The following SORBS2 variants were observed in gnomAD, a reference collection of about 807,000 sequenced individuals.
The protein encoded by SORBS2 is sorbin and SH3 domain-containing protein 2.
A neutral mutation model predicts 97.7 loss-of-function variants in SORBS2; 46 were observed. The observed-to-expected ratio is 0.47, with a 90% confidence interval of 0.37 to 0.60. The LOEUF is 0.60. Ranked by LOEUF, SORBS2 falls within the 20% of genes least tolerant of loss-of-function variation. The pLI is 0.00. For synonymous variants in SORBS2, 476 were observed against 473.4 expected (o/e 1.01, Z -0.07); for missense variants, 1,316 against 1,282.3 (o/e 1.03, Z -0.40).
intron 1 of SORBS2, among the ~76,000 whole-genome samples, chr4:185,884,457 A>T (rs547480896): frequency 2.6e-4 from 40 of 152,310 alleles, no homozygotes; most frequent in African/African-American, 9.4e-4. Context: ...GCTGTTTTTT[A>T]AAATAAAAAA....
At chr4:185,675,484 T>C (rs1235215512) in intron 4 of SORBS2, 1 of 152,168 alleles carries the variant, frequency 6.6e-6, no homozygotes, top group Non-Finnish European at 1.5e-5. Context: ...CAACGAGAAG[T>C]AGCACTCTTT....
At chr4:185,592,201 ACT>A (rs1295841629) in intron 13 of SORBS2, 1 of 152,574 alleles carries the variant, frequency 6.6e-6, no homozygotes, top group Non-Finnish European at 1.5e-5. Context: ...TTTCACTAAA[ACT>A]CTGAATTGTA....
chr4:185,635,246 T>C, intron 4 of SORBS2, 109 bp downstream of exon 16: 1 of 763,794 alleles, frequency 1.3e-6, no homozygotes, highest in Non-Finnish European at 2.2e-6. Flanking sequence ...TAGATATTTT[T>C]TCAAAAATAG....
chr4:185,919,860 T>C (rs111506614), intron 1 of SORBS2, among the ~76,000 whole-genome samples: 5,784 of 152,366 alleles, frequency 0.038, 282 homozygotes, highest in South Asian at 0.11. Flanking sequence ...CAGCCTGAAG[T>C]GGCATATATT....
intron 1 of SORBS2, among the ~76,000 whole-genome samples, chr4:185,840,176 C>T (rs2099210619): frequency 6.6e-6 from 1 of 152,118 alleles, no homozygotes; most frequent in African/African-American, 2.4e-5. Flanking sequence ...TGTGGATGAA[C>T]AGGGGTTGTT....
intron 1 of SORBS2, among the ~76,000 whole-genome samples, chr4:185,654,995 A>C (rs929307176): frequency 1.3e-5 from 2 of 152,216 alleles, no homozygotes; most frequent in Non-Finnish European, 2.9e-5. Flanking sequence ...GAAAATACTC[A>C]AACAAGTGTT....
chr4:185,884,557 G>A (rs537712258), intron 1 of SORBS2, among the ~76,000 whole-genome samples: 1 of 152,368 alleles, frequency 6.6e-6, no homozygotes, highest in East Asian at 1.9e-4. Context: ...ATGGCAATGA[G>A]GGCCCAGCAG....
rs1288748201 is a variant in SORBS2, at chr4:185,868,147, C to CTTTCTTTCTTTTTTTTTTTTTTTTTTT, written c.-338+88048_-338+88049insAAAAAAAAAAAAAAAAAAAGAAAGAAA. On this transcript the variant is annotated intron_variant, in intron 1 of 20. Transcript: ENST00000284776. ...TCTACTTTCCTTTCTCTTTTCTTTTCTTTTTTTCTTTCTTTTTTTTTTTTT... is the reference window on the plus strand; with the variant it reads ...TCTACTTTCCTTTCTCTTTTCTTTTCTTTCTTTCTTTTTTTTTTTTTTTTTTTTTTTTTTCTTTCTTTTTTTTTTTTT... Among the ~76,000 whole-genome samples the CTTTCTTTCTTTTTTTTTTTTTTTTTTT allele has an allele frequency of 2.8e-4, 25 of 89,796 alleles. 5 individuals are homozygous for CTTTCTTTCTTTTTTTTTTTTTTTTTTT. The highest frequency in any genetic ancestry group is 1.0e-3 in the African/African-American group (22 of 21,012). 58.9% of individuals were successfully genotyped at this position (89,796 alleles called of 152,430 possible).
At chr4:185,734,408 G>A (rs1177929712) in intron 2 of SORBS2, among the ~76,000 whole-genome samples, 1 of 152,164 alleles carries the variant, frequency 6.6e-6, no homozygotes, top group Non-Finnish European at 1.5e-5. Context: ...GGGAAATTGG[G>A]GCTGTTTTAC....
At chr4:185,608,099 G>A (rs2096464841) in intron 12 of SORBS2, among the ~76,000 whole-genome samples, 1 of 152,178 alleles carries the variant, frequency 6.6e-6, no homozygotes, top group African/African-American at 2.4e-5. Flanking sequence ...TGTTAATGTA[G>A]AATGAAAACT....
At chr4:185,754,687 A>G (rs1382641233) in intron 2 of SORBS2, among the ~76,000 whole-genome samples, 1 of 152,184 alleles carries the variant, frequency 6.6e-6, no homozygotes, top group African/African-American at 2.4e-5. Context: ...AGTGCAGCTC[A>G]GTGGAGTGTG....
intron 1 of SORBS2, among the ~76,000 whole-genome samples, chr4:185,886,343 C>G (rs2099239456): frequency 6.6e-6 from 1 of 152,028 alleles, no homozygotes; most frequent in South Asian, 2.1e-4. Flanking sequence ...ATTACAAGGT[C>G]AGGAGATTGA....
intron 6 of SORBS2, among the ~76,000 whole-genome samples, chr4:185,624,848 G>A (rs1342252038): frequency 6.6e-6 from 1 of 152,206 alleles, no homozygotes; most frequent in Non-Finnish European, 1.5e-5. Flanking sequence ...TCAGCTGATA[G>A]CATGATCTGG....
intron 1 of SORBS2, among the ~76,000 whole-genome samples, chr4:185,867,719 A>G (rs2099227757): frequency 6.6e-6 from 1 of 152,144 alleles, no homozygotes; most frequent in Non-Finnish European, 1.5e-5. Context: ...CTAGGATTGA[A>G]GGGAGGTCCC....
At chr4:185,918,013 G>T (rs1487104806) in intron 1 of SORBS2, 1 of 152,122 alleles carries the variant, frequency 6.6e-6, no homozygotes, top group East Asian at 1.9e-4. Flanking sequence ...GGAAATAAAG[G>T]AGAAATGTGA....
chr4:185,637,756 TGTAA>T (rs2097044963), intron 4 of SORBS2, among the ~76,000 whole-genome samples: 1 of 152,058 alleles, frequency 6.6e-6, no homozygotes, highest in Non-Finnish European at 1.5e-5. Flanking sequence ...CCAAATAGAC[TGTAA>T]ACAAATACAA....
intron 4 of SORBS2, chr4:185,635,369 C>T (rs766518545): frequency 1.9e-6 from 3 of 1,613,254 alleles, no homozygotes. Flanking sequence ...TTGAAAACAC[C>T]AGAAGAATGA....
intron 4 of SORBS2, among the ~76,000 whole-genome samples, chr4:185,664,251 A>C (rs2097565612): frequency 6.6e-6 from 1 of 152,326 alleles, no homozygotes; most frequent in East Asian, 1.9e-4. Context: ...TAGTGAATTC[A>C]TTATTAGGAA....
chr4:185,869,036 C>T (rs765386489), intron 1 of SORBS2, among the ~76,000 whole-genome samples: 5 of 152,272 alleles, frequency 3.3e-5, no homozygotes, highest in Non-Finnish European at 7.3e-5. Flanking sequence ...AAGAACTTGC[C>T]TTTGGTGGTG....
Sources: allele counts gnomAD v4.1 joint callset (sites outside exome capture counted in the v4.1 genomes callset), GRCh38; gene constraint gnomAD v4.1.1; transcripts MANE v1.5; gene names NCBI Gene and HGNC (gene_info 2026-07-23, HGNC 2026-07-21).